Variants in FBXW11 observed in about 807,000 individuals in gnomAD.
FBXW11 encodes F-box/WD repeat-containing protein 11.
Under a neutral mutation model 77.6 loss-of-function variants are expected in FBXW11, and 19 were observed. The ratio of observed to expected loss-of-function variants is 0.24; its 90% CI spans 0.17 to 0.36. The LOEUF is 0.36. Among genes scored for constraint, FBXW11 ranks in the 10% least tolerant of loss-of-function variants. The probability of loss-of-function intolerance (pLI) is 1.00; values close to 1 mark genes in which losing one functional copy is unlikely to be tolerated. For missense variants in FBXW11, 334 were observed against 704.2 expected, an observed-to-expected ratio of 0.47 and a Z score of 5.95; for synonymous variants, 235 against 249.4, an observed-to-expected ratio of 0.94 and a Z score of 0.54.
intron 7 of FBXW11, among the ~76,000 whole-genome samples, chr5:171,881,565 G>A (rs1016467314): frequency 4.8e-4 from 73 of 152,258 alleles, no homozygotes; most frequent in African/African-American, 1.7e-3. Flanking sequence ...TCTTCATCTA[G>A]TTTAGTACTA....
intron 2 of FBXW11, among the ~76,000 whole-genome samples, chr5:171,955,674 A>G (rs1763569574): frequency 1.3e-5 from 2 of 152,160 alleles, no homozygotes; most frequent in Admixed American, 1.3e-4. Context: ...GCTAATGCCA[A>G]TGAGCTGAGT....
chr5:171,998,325 T>C (rs1365975398), intron 1 of FBXW11, among the ~76,000 whole-genome samples: 3 of 147,842 alleles, frequency 2.0e-5, no homozygotes, highest in Non-Finnish European at 4.4e-5. Context: ...CCCATGATAT[T>C]TTTTTCTTGT....
chr5:171,990,196 A>G (rs560533028), intron 1 of FBXW11, among the ~76,000 whole-genome samples: 5 of 152,270 alleles, frequency 3.3e-5, no homozygotes, highest in Middle Eastern at 3.4e-3. Flanking sequence ...CTCAAATATG[A>G]CAAAATGTTA....
chr5:171,929,654 A>G (rs930410067), intron 2 of FBXW11, among the ~76,000 whole-genome samples: 1 of 152,002 alleles, frequency 6.6e-6, no homozygotes, highest in Non-Finnish European at 1.5e-5. Context: ...GATCGAGACC[A>G]TCCTGGCTAA....
At position 171,863,489 on chromosome 5, in the gene FBXW11, T is replaced by C. The variant is rs1222494851; in HGVS notation, c.*638A>G. On this transcript the variant is annotated 3_prime_UTR_variant, in exon 14 of 14. Transcript: ENST00000517395. ...AAGAGCTATATTACCTGTTGGTAGATAATATAACTGACTTATAGTTCTTTA... is the reference window on the plus strand; with the variant it reads ...AAGAGCTATATTACCTGTTGGTAGACAATATAACTGACTTATAGTTCTTTA... The C allele has an allele frequency of 6.6e-6, 1 of 152,576 alleles. No individual in the cohort carries two copies. Among genetic ancestry groups the C allele is most frequent in the East Asian group, 1.9e-4 (1 of 5,208 alleles). The allele number at this position is 152,576 out of a possible 1,614,324, so 9.5% of individuals were successfully genotyped here.
At chr5:171,916,284 CCT>C (rs1401719350) in intron 2 of FBXW11, among the ~76,000 whole-genome samples, 2 of 151,782 alleles carry the variant, frequency 1.3e-5, no homozygotes, top group Admixed American at 6.6e-5. Context: ...CTACTTTTCC[CCT>C]GTGTTATCTT....
chr5:171,942,430 A>G (rs965243250), intron 2 of FBXW11, among the ~76,000 whole-genome samples: 1 of 152,134 alleles, frequency 6.6e-6, no homozygotes. Context: ...CAGCTGTTTC[A>G]CAGTCTGTCA....
At chr5:171,975,443 C>T (rs968942222) in intron 1 of FBXW11, among the ~76,000 whole-genome samples, 12 of 152,268 alleles carry the variant, frequency 7.9e-5, no homozygotes, top group Non-Finnish European at 1.5e-4. Flanking sequence ...CTCTCGAGTG[C>T]TGCTGGCTAA....
chr5:171,952,093 C>T (rs576784103), intron 2 of FBXW11, among the ~76,000 whole-genome samples: 42 of 152,052 alleles, frequency 2.8e-4, no homozygotes, highest in African/African-American at 9.6e-4. Context: ...CTGTGCTAGC[C>T]CCTCCTTTAT....
intron 2 of FBXW11, among the ~76,000 whole-genome samples, chr5:171,944,439 G>C (rs1762900297): frequency 6.6e-6 from 1 of 151,508 alleles, no homozygotes; most frequent in African/African-American, 2.4e-5. Context: ...GCCGGACGAG[G>C]TGGCGGGCGC....
chr5:172,000,006 C>A (rs893144142), intron 1 of FBXW11, among the ~76,000 whole-genome samples: 3 of 152,160 alleles, frequency 2.0e-5, no homozygotes, highest in African/African-American at 4.8e-5. Flanking sequence ...GTAAGAGATA[C>A]CCTACTGGAT....
chr5:171,945,526 A>C (rs1023911077), intron 2 of FBXW11, among the ~76,000 whole-genome samples: 1 of 152,332 alleles, frequency 6.6e-6, no homozygotes, highest in African/African-American at 2.4e-5. Context: ...AAAGTTTATA[A>C]AGTGAAGAAA....
chr5:171,936,886 T>C (rs1762509020), intron 2 of FBXW11, among the ~76,000 whole-genome samples: 1 of 152,172 alleles, frequency 6.6e-6, no homozygotes, highest in Non-Finnish European at 1.5e-5. Context: ...AATAAGAGCC[T>C]CTGATCAAAA....
intron 1 of FBXW11, among the ~76,000 whole-genome samples, chr5:171,972,567 C>T (rs1764598260): frequency 8.6e-6 from 1 of 116,638 alleles, no homozygotes; most frequent in Admixed American, 9.3e-5. Flanking sequence ...TTTTTTGAGA[C>T]AGAGCCTCAC....
At chr5:171,968,775 C>T (rs543917683) in intron 1 of FBXW11, among the ~76,000 whole-genome samples, 1 of 152,232 alleles carries the variant, frequency 6.6e-6, no homozygotes, top group Non-Finnish European at 1.5e-5. Context: ...CCTTCCCTAA[C>T]ATCTAAGACA....
intron 1 of FBXW11, among the ~76,000 whole-genome samples, chr5:171,978,233 C>A (rs1375257259): frequency 6.6e-6 from 1 of 152,096 alleles, no homozygotes; most frequent in Admixed American, 6.6e-5. Flanking sequence ...CAAAAATAGA[C>A]AAGACTCAGG....
At chr5:172,006,191 G>A (rs930662123) in intron 1 of FBXW11, among the ~76,000 whole-genome samples, 1 of 152,352 alleles carries the variant, frequency 6.6e-6, no homozygotes, top group Admixed American at 6.5e-5. Context: ...AACGAGCGAG[G>A]GTCGTCCGAG....
intron 7 of FBXW11, among the ~76,000 whole-genome samples, chr5:171,884,634 C>A (rs1211784954): frequency 1.3e-5 from 2 of 152,092 alleles, no homozygotes; most frequent in Non-Finnish European, 2.9e-5. Context: ...CGTATTTTGA[C>A]AGGGACTGCA....
chr5:171,962,255 A>G (rs1763950103), intron 1 of FBXW11, among the ~76,000 whole-genome samples: 1 of 152,210 alleles, frequency 6.6e-6, no homozygotes, highest in African/African-American at 2.4e-5. Flanking sequence ...TTTCCCCTTA[A>G]GACTTTAGCC....
Sources: allele counts gnomAD v4.1 joint callset (sites outside exome capture counted in the v4.1 genomes callset), GRCh38; gene constraint gnomAD v4.1.1; transcripts MANE v1.5; gene names NCBI Gene and HGNC (gene_info 2026-07-23, HGNC 2026-07-21).